SCMH1: variants seen among roughly 807,000 people sequenced by gnomAD.
The protein encoded by SCMH1 is polycomb protein SCMH1.
In SCMH1, 37 loss-of-function variants were observed where a neutral mutation model predicts 70.8. The observed-to-expected ratio is 0.52, with a 90% CI of 0.40 to 0.69. The LOEUF (loss-of-function observed/expected upper bound fraction) is 0.69. SCMH1 is among the 30% of genes least tolerant of loss of function. The probability of loss-of-function intolerance (pLI) is 0.00; values close to 1 mark genes in which losing one functional copy is unlikely to be tolerated. For synonymous variants in SCMH1, 292 were observed against 307.4 expected (o/e 0.95, Z 0.52); for missense variants, 607 against 827.3 (o/e 0.73, Z 3.27).
intron 1 of SCMH1, among the ~76,000 whole-genome samples, chr1:41,208,450 A>T (rs867541166): frequency 0.022 from 3,233 of 148,710 alleles, 54 homozygotes; most frequent in Non-Finnish European, 0.032. Flanking sequence ...AAAAAAAATA[A>T]AAAATAAAAG....
intron 10 of SCMH1, among the ~76,000 whole-genome samples, chr1:41,063,181 T>C (rs115337302): frequency 1.8e-3 from 269 of 151,276 alleles, no homozygotes; most frequent in Middle Eastern, 3.4e-3. Context: ...AGGAAATCAA[T>C]AGAGGAAACA....
At chr1:41,050,008 A>G (rs1647468427) in intron 10 of SCMH1, among the ~76,000 whole-genome samples, 1 of 152,042 alleles carries the variant, frequency 6.6e-6, no homozygotes, top group South Asian at 2.1e-4. Context: ...GTGAGCTGTA[A>G]TCGCGCCACT....
In SCMH1 at chr1:41,171,927, C is replaced by T. The variant is rs1279945242; in HGVS notation, c.14-10495G>A. On this transcript the variant is annotated intron_variant, in intron 2 of 14. Transcript: ENST00000337495. ...GGAAAGATGGCTGGGCGCGGTGGCT[C>T]ACGCCTGTAATCCCAGCACTTTGGG... is the stretch of plus-strand genomic sequence containing the variant. 4.6e-5 allele frequency among the ~76,000 whole-genome samples: 7 copies of T among 152,266 alleles called. No homozygotes were observed. The East Asian group carries it at 1.2e-3, about 25-fold the overall frequency.
At chr1:41,151,053 C>T (rs1401817507) in intron 5 of SCMH1, among the ~76,000 whole-genome samples, 12 of 151,786 alleles carry the variant, frequency 7.9e-5, no homozygotes, top group African/African-American at 2.4e-4. Flanking sequence ...AACTTCCTGA[C>T]GTTTAACTTT....
In SCMH1 at chr1:41,116,353, C is replaced by G. The variant is rs1557510802; in HGVS notation, c.501+569G>C. 2.0e-5 allele frequency among the ~76,000 whole-genome samples: 3 copies of G among 152,222 alleles called. 1 individual carries two copies. Among genetic ancestry groups the G allele is most frequent in the Non-Finnish European group, 4.4e-5 (3 of 68,048 alleles). ...TTCAACTGATAGACTCACTGCCTCACTTCTTGAGAAGCAATAACAAATACA... is the reference window on the plus strand; with the variant it reads ...TTCAACTGATAGACTCACTGCCTCAGTTCTTGAGAAGCAATAACAAATACA... On this transcript the variant is annotated intron_variant, in intron 7 of 14. Transcript: ENST00000337495.
intron 1 of SCMH1, among the ~76,000 whole-genome samples, chr1:41,234,081 C>T (rs1661829946): frequency 1.3e-5 from 2 of 152,304 alleles, no homozygotes; most frequent in African/African-American, 4.8e-5. Flanking sequence ...CTCTTCCTAT[C>T]TGGAAGGGCT....
At chr1:41,155,340 G>GTA (rs1243776002) in intron 4 of SCMH1, among the ~76,000 whole-genome samples, 3 of 152,084 alleles carry the variant, frequency 2.0e-5, no homozygotes, top group Non-Finnish European at 2.9e-5. Flanking sequence ...TAAATACCTA[G>GTA]TATATGTTAA....
intron 8 of SCMH1, among the ~76,000 whole-genome samples, chr1:41,077,641 GAA>G (rs1242274515): frequency 6.6e-6 from 1 of 152,148 alleles, no homozygotes; most frequent in Non-Finnish European, 1.5e-5. Context: ...TAAGGAGCTA[GAA>G]ATTAGGTTCC....
intron 2 of SCMH1, 135 bp from the exon 3 acceptor site, chr1:41,161,567 A>G: frequency 1.0e-6 from 1 of 970,006 alleles, no homozygotes; most frequent in East Asian, 3.0e-5. Context: ...AAAATACTCC[A>G]AAATACAAGA....
At chr1:41,241,212 T>A (rs1389301206) in intron 1 of SCMH1, among the ~76,000 whole-genome samples, 1 of 152,212 alleles carries the variant, frequency 6.6e-6, no homozygotes, top group Non-Finnish European at 1.5e-5. Context: ...CACTTTGGCA[T>A]GGGATGGGAG....
chr1:41,230,192 G>A (rs1661036095), intron 1 of SCMH1, among the ~76,000 whole-genome samples: 1 of 152,148 alleles, frequency 6.6e-6, no homozygotes, highest in Non-Finnish European at 1.5e-5. Context: ...GGAGGATAGG[G>A]TACAAAAGTA....
At chr1:41,156,706 T>C (rs1645581253) in intron 4 of SCMH1, among the ~76,000 whole-genome samples, 1 of 152,194 alleles carries the variant, frequency 6.6e-6, no homozygotes, top group Non-Finnish European at 1.5e-5. Flanking sequence ...CCCAAAGTGC[T>C]GGGATTACAG....
chr1:41,223,685 C>T (rs1360124106), intron 1 of SCMH1, among the ~76,000 whole-genome samples: 1 of 151,934 alleles, frequency 6.6e-6, no homozygotes, highest in Non-Finnish European at 1.5e-5. Flanking sequence ...AAGCTAATTT[C>T]CAGCGCCATC....
At chr1:41,051,729 T>G (rs1052285129) in intron 10 of SCMH1, among the ~76,000 whole-genome samples, 3 of 152,148 alleles carry the variant, frequency 2.0e-5, no homozygotes, top group African/African-American at 7.2e-5. Context: ...AGCTATAAAG[T>G]ATGTTTGTAT....
chr1:41,091,834 AAGG>A (rs1663610673), intron 8 of SCMH1, among the ~76,000 whole-genome samples: 2 of 152,326 alleles, frequency 1.3e-5, no homozygotes, highest in South Asian at 4.1e-4. Context: ...GGACCTCTTC[AAGG>A]AGAACTACAA....
intron 13 of SCMH1, among the ~76,000 whole-genome samples, chr1:41,035,817 C>G (rs1258090527): frequency 2.6e-5 from 4 of 151,628 alleles, no homozygotes; most frequent in African/African-American, 9.7e-5. Context: ...ATCAAAGTCC[C>G]CAGCACAATC....
Position 41,130,028 on chromosome 1 carries a change from G to C in SCMH1, c.412+12850C>G, listed in dbSNP as rs114290208. ...TTTTTTTCCTAATACCCATCCTAAT[G>C]AATGTGAAGTGTCATCTCAATGCAG... is the stretch of plus-strand genomic sequence containing the variant. On this transcript the variant is annotated intron_variant, in intron 6 of 14. Transcript: ENST00000337495. 5.3e-3 allele frequency among the ~76,000 whole-genome samples: 801 copies of C among 152,176 alleles called. 5 individuals are homozygous for C. Among genetic ancestry groups the C allele is most frequent in the Middle Eastern group, 0.037 (11 of 294 alleles).
chr1:41,047,924 A>G (rs1647053276), intron 11 of SCMH1, among the ~76,000 whole-genome samples: 1 of 152,178 alleles, frequency 6.6e-6, no homozygotes, highest in Non-Finnish European at 1.5e-5. Flanking sequence ...CACCTGACAC[A>G]TAGTAAGGGT....
At chr1:41,167,358 G>T (rs1319109177) in intron 2 of SCMH1, among the ~76,000 whole-genome samples, 1 of 152,062 alleles carries the variant, frequency 6.6e-6, no homozygotes, top group Non-Finnish European at 1.5e-5. Context: ...GTCTGGCTTT[G>T]GTATCAAGGT....
Sources: allele counts gnomAD v4.1 joint callset (sites outside exome capture counted in the v4.1 genomes callset), GRCh38; gene constraint gnomAD v4.1.1; transcripts MANE v1.5; gene names NCBI Gene and HGNC (gene_info 2026-07-23, HGNC 2026-07-21).